ERI1: variants seen among roughly 807,000 people sequenced by gnomAD.
ERI1 encodes the protein 3'-5' exoribonuclease 1.
In ERI1, 39 loss-of-function variants were observed where a neutral mutation model predicts 39.7. That is an observed-to-expected ratio of 0.98 (90% CI 0.76 to 1.28). ERI1 has a LOEUF of 1.28. ERI1 is among the 50% of genes most tolerant of loss of function. ERI1 has a pLI of 0.00. For missense variants in ERI1, 581 were observed against 416.9 expected, an observed-to-expected ratio of 1.39 and a Z score of -3.43; for synonymous variants, 204 against 149.6, an observed-to-expected ratio of 1.36 and a Z score of -2.65.
chr8:9,080,524 G>A (rs1052959455), intron 3 of ERI1, among the ~76,000 whole-genome samples: 2 of 152,232 alleles, frequency 1.3e-5, no homozygotes, highest in East Asian at 1.9e-4. Flanking sequence ...CACTTCTCCA[G>A]TTCCTGAGGC....
chr8:9,035,786 T>TG (rs1036384406), downstream of ERI1, among the ~76,000 whole-genome samples: 2 of 152,254 alleles, frequency 1.3e-5, no homozygotes, highest in Non-Finnish European at 2.9e-5. Flanking sequence ...ATTCGTCTGA[T>TG]GGATCTAGGC....
At chr8:9,063,694 G>A (rs557667546) in intron 3 of ERI1, among the ~76,000 whole-genome samples, 465 of 152,222 alleles carry the variant, frequency 3.1e-3, no homozygotes, top group African/African-American at 0.01. Context: ...CCTGGACATC[G>A]GGCATCTCAG....
intron 1 of ERI1, among the ~76,000 whole-genome samples, chr8:9,007,402 TAAAA>T (rs1816136273): frequency 6.6e-6 from 1 of 152,240 alleles, no homozygotes; most frequent in Non-Finnish European, 1.5e-5. Flanking sequence ...ATGTATAATG[TAAAA>T]GTTCATTTAA....
intron 3 of ERI1, among the ~76,000 whole-genome samples, chr8:9,050,170 CAA>C (rs10552004): frequency 0.5 from 74,089 of 148,958 alleles, 18,586 homozygotes; most frequent in South Asian, 0.68. Context: ...TCTAAGTGGT[CAA>C]AAAAAAAAAA....
intron 1 of ERI1, among the ~76,000 whole-genome samples, chr8:9,006,978 C>A (rs75223170): frequency 0.017 from 2,615 of 152,218 alleles, 61 homozygotes; most frequent in South Asian, 0.091. Context: ...CAATGTGGTA[C>A]ATTATAACTA....
chr8:9,016,087 T>G (rs1000985093), intron 3 of ERI1, among the ~76,000 whole-genome samples: 3 of 152,224 alleles, frequency 2.0e-5, no homozygotes, highest in African/African-American at 7.2e-5. Context: ...AATTTTGGGT[T>G]GAAATCTTTC....
rs565331479 is a variant in ERI1, at chr8:9,032,042, C to T, written c.*2008C>T. ...TACAGACGTGAGCCACTGCGCTCAGCCATAGATTTTACTGTCTTAACCCAT... is the reference window on the plus strand; with the variant it reads ...TACAGACGTGAGCCACTGCGCTCAGTCATAGATTTTACTGTCTTAACCCAT... On this transcript the variant is annotated 3_prime_UTR_variant, in exon 7 of 7. Transcript: ENST00000250263. 1 of 152,178 alleles carries T rather than the reference C, an allele frequency of 6.6e-6. No individual in the cohort carries two copies. Among genetic ancestry groups the T allele is most frequent in the African/African-American group, 2.4e-5 (1 of 41,432 alleles). 9.4% of individuals were successfully genotyped at this position (152,178 alleles called of 1,614,324 possible).
At chr8:9,086,068 A>G (rs886238575) in intron 3 of ERI1, among the ~76,000 whole-genome samples, 2 of 152,180 alleles carry the variant, frequency 1.3e-5, no homozygotes, top group Non-Finnish European at 2.9e-5. Flanking sequence ...GTCCTCTTTC[A>G]AGTCCTAATT....
rs576162650 is a variant in ERI1, at chr8:9,012,741, C to T, written c.498+989C>T. ...ATTGCTTTTGTCTATATTGCTCCCA[C>T]TACACAAAAACATGTTATATTTTTC... On this transcript the variant is annotated intron_variant, in intron 3 of 6. Coordinates refer to ENST00000250263, the MANE Select transcript of ERI1 (RefSeq NM_153332.4). Among the ~76,000 whole-genome samples, 15 of 152,324 alleles carry T rather than the reference C, an allele frequency of 9.8e-5. 1 individual carries two copies. In the South Asian group the frequency reaches 2.9e-3, roughly 29 times the overall value.
At chr8:9,072,709 A>C (rs947888560) in intron 3 of ERI1, among the ~76,000 whole-genome samples, 7 of 152,002 alleles carry the variant, frequency 4.6e-5, no homozygotes, top group African/African-American at 1.7e-4. Context: ...TTTTTGATCA[A>C]TTCTTCACCA....
chr8:9,062,699 A>T (rs1214540897), intron 3 of ERI1: 2 of 151,136 alleles, frequency 1.3e-5, no homozygotes, highest in African/African-American at 2.4e-5. Flanking sequence ...GTGTCAGTCT[A>T]CAGCCGCTAA....
chr8:9,084,130 T>C (rs1408182996), intron 3 of ERI1, among the ~76,000 whole-genome samples: 1 of 151,872 alleles, frequency 6.6e-6, no homozygotes, highest in Admixed American at 6.6e-5. Context: ...GGTGTGGTGG[T>C]GTGCACCTGT....
At chr8:9,086,094 C>T (rs1563096782) in intron 3 of ERI1, among the ~76,000 whole-genome samples, 1 of 152,062 alleles carries the variant, frequency 6.6e-6, no homozygotes, top group South Asian at 2.1e-4. Context: ...GTCTAGACTG[C>T]GGCATTTACC....
chr8:9,029,976 C>T lies in ERI1; in HGVS notation c.992C>T (p.Ser331Phe), dbSNP rs2117302220. Residue 331 changes from serine (S) to phenylalanine (F), a missense_variant, in exon 7 of 7, where the codon TCC becomes TTC. Transcript: ENST00000250263. ...CATGCAGGACAGCTAATGAGTGTGTCCTCTTCCTTACCAATAGAGGGCACT... is the reference window on the plus strand; with the variant it reads ...CATGCAGGACAGCTAATGAGTGTGTTCTCTTCCTTACCAATAGAGGGCACT... ...KMHAGQLMSVSSSLPIEGTPP... is the reference protein window; with the variant it reads ...KMHAGQLMSVFSSLPIEGTPP... 6.2e-7 allele frequency: 1 copy of T among 1,614,076 alleles called. No individual in the cohort carries two copies. Among genetic ancestry groups the T allele is most frequent in the East Asian group, 2.2e-5 (1 of 44,864 alleles).
At chr8:9,047,802 C>G (rs2117363780) in intron 3 of ERI1, among the ~76,000 whole-genome samples, 1 of 152,292 alleles carries the variant, frequency 6.6e-6, no homozygotes, top group East Asian at 1.9e-4. Context: ...AGCTTCCTAT[C>G]ATTTTGTTTG....
At chr8:9,042,829 A>T (rs1235556888) in intron 3 of ERI1, among the ~76,000 whole-genome samples, 1 of 152,204 alleles carries the variant, frequency 6.6e-6, no homozygotes, top group Non-Finnish European at 1.5e-5. Context: ...ATCTGAGAAG[A>T]TTCAAAATCT....
chr8:9,029,716 A>G (rs1797449290), intron 6 of ERI1, 76 bp from the exon 7 acceptor site: 2 of 1,546,582 alleles, frequency 1.3e-6, no homozygotes, highest in Admixed American at 1.8e-5. Flanking sequence ...TCAGTTTCTT[A>G]TTTTTCATCT....
chr8:9,063,268 T>A (rs1269792010), intron 3 of ERI1, among the ~76,000 whole-genome samples: 2 of 152,088 alleles, frequency 1.3e-5, no homozygotes, highest in Non-Finnish European at 2.9e-5. Flanking sequence ...CTGGGCTGGG[T>A]TTTTTATATT....
chr8:9,024,750 A>G (rs563787348), intron 6 of ERI1, among the ~76,000 whole-genome samples: 4 of 152,196 alleles, frequency 2.6e-5, no homozygotes, highest in Admixed American at 1.3e-4. Flanking sequence ...AGGCCTATGT[A>G]TATGCATTAC....
Sources: allele counts gnomAD v4.1 joint callset (sites outside exome capture counted in the v4.1 genomes callset), GRCh38; gene constraint gnomAD v4.1.1; transcripts MANE v1.5; gene names NCBI Gene and HGNC (gene_info 2026-07-23, HGNC 2026-07-21).